The following UTRN variants were observed in gnomAD, a reference collection of about 807,000 sequenced individuals.
The protein encoded by UTRN is utrophin, also known as dystrophin-related protein 1.
Under a neutral mutation model 463.9 loss-of-function variants are expected in UTRN, and 283 were observed. That is an observed-to-expected ratio of 0.61 (90% CI 0.55 to 0.67). UTRN has a LOEUF of 0.67. Among genes scored for constraint, UTRN ranks in the 30% least tolerant of loss-of-function variants. UTRN has a pLI of 0.00. For missense variants in UTRN, 3,922 were observed against 4,084.3 expected (o/e 0.96, Z 1.08); for synonymous variants, 1,442 against 1,431.5 (o/e 1.01, Z -0.17).
intron 2 of UTRN, among the ~76,000 whole-genome samples, chr6:144,323,013 G>A (rs1775763959): frequency 6.6e-6 from 1 of 152,032 alleles, no homozygotes; most frequent in Admixed American, 6.6e-5. Flanking sequence ...TTGTACCTGG[G>A]GACTCCATCC....
intron 59 of UTRN, among the ~76,000 whole-genome samples, chr6:144,774,033 T>G (rs1170537286): frequency 6.6e-6 from 1 of 152,220 alleles, no homozygotes; most frequent in Non-Finnish European, 1.5e-5. Context: ...CAACCCACCA[T>G]GTTCTGAGCC....
In UTRN at chr6:144,793,747, A is replaced by G. The variant is rs1237811144; in HGVS notation, c.8921-87A>G. 2.5e-5 allele frequency: 38 copies of G among 1,494,282 alleles called. No individual in the cohort carries two copies. In the Admixed American group the frequency reaches 6.7e-4, roughly 26 times the overall value. 92.6% of individuals were successfully genotyped at this position (1,494,282 alleles called of 1,614,324 possible). ...TCCTTCTGAAATTTTTTTAATCTGCATGGTTCAGTCCACATTACCAAAGAT... is the reference window on the plus strand; with the variant it reads ...TCCTTCTGAAATTTTTTTAATCTGCGTGGTTCAGTCCACATTACCAAAGAT... On this transcript the variant is annotated intron_variant, in intron 62 of 74. Coordinates refer to ENST00000367545, the MANE Select transcript of UTRN (RefSeq NM_007124.3).
chr6:144,541,573 T>A (rs12195433), intron 45 of UTRN, among the ~76,000 whole-genome samples: 61,928 of 152,104 alleles, frequency 0.41, 13,015 homozygotes, highest in South Asian at 0.54. Context: ...CTAACATGGT[T>A]TATTTCATTC....
intron 2 of UTRN, among the ~76,000 whole-genome samples, chr6:144,322,835 C>T (rs951320047): frequency 1.3e-5 from 2 of 151,060 alleles, no homozygotes; most frequent in Admixed American, 1.3e-4. Context: ...CCCAGCTACT[C>T]GGGAGGCTGA....
rs200477118 is a variant in UTRN, at chr6:144,290,752, CTTTTTTTT to C, written c.-92-963_-92-956del. 4.5e-3 allele frequency among the ~76,000 whole-genome samples: 448 copies of C among 99,088 alleles called. 3 individuals carry two copies. The East Asian group carries it at 0.068, about 15-fold the overall frequency. 65.0% of individuals were successfully genotyped at this position (99,088 alleles called of 152,430 possible). A position where few individuals can be genotyped will look rare whatever the true frequency, so the allele number is the denominator to read the frequency against. ...TGGTCTACCTACAAGCCACAATCGT[CTTTTTTTT>C]TTTTTTTTTTTTTTTTTTTTTGAGA... On this transcript the variant is annotated intron_variant, in intron 1 of 74. Transcript: ENST00000367545.
chr6:144,396,467 T>C (rs1406737757), intron 2 of UTRN, among the ~76,000 whole-genome samples: 1 of 152,214 alleles, frequency 6.6e-6, no homozygotes, highest in African/African-American at 2.4e-5. Context: ...TGTATAACAC[T>C]GTAGGTGTAA....
chr6:144,369,428 C>A (rs967585875), intron 2 of UTRN, among the ~76,000 whole-genome samples: 2 of 152,186 alleles, frequency 1.3e-5, no homozygotes, highest in African/African-American at 4.8e-5. Context: ...ACCATCCTGG[C>A]CAACATGGTA....
intron 48 of UTRN, among the ~76,000 whole-genome samples, chr6:144,551,954 G>A (rs984614686): frequency 2.6e-5 from 4 of 152,022 alleles, no homozygotes; most frequent in African/African-American, 4.8e-5. Context: ...CTGGTCCCTG[G>A]TGAATGTTAA....
chr6:144,597,310 G>C (rs1211701656), intron 51 of UTRN, among the ~76,000 whole-genome samples: 1 of 150,886 alleles, frequency 6.6e-6, no homozygotes, highest in Non-Finnish European at 1.5e-5. Context: ...CATTCATTTA[G>C]CTCATTTACA....
chr6:144,529,366 A>G (rs887206510), intron 41 of UTRN, among the ~76,000 whole-genome samples: 1 of 152,112 alleles, frequency 6.6e-6, no homozygotes, highest in Non-Finnish European at 1.5e-5. Flanking sequence ...TTTTCCTGGT[A>G]TGTTCCTGCG....
chr6:144,345,853 A>G (rs1777519214), intron 2 of UTRN, among the ~76,000 whole-genome samples: 1 of 152,222 alleles, frequency 6.6e-6, no homozygotes, highest in African/African-American at 2.4e-5. Context: ...GAAGACAGCT[A>G]GAAGAAAAGT....
intron 2 of UTRN, among the ~76,000 whole-genome samples, chr6:144,296,761 G>C (rs1804749668): frequency 6.6e-6 from 1 of 152,210 alleles, no homozygotes; most frequent in Non-Finnish European, 1.5e-5. Flanking sequence ...TATTTATACA[G>C]CTCTTCTATC....
At chr6:144,413,887 T>A (rs1584683748) in intron 3 of UTRN, among the ~76,000 whole-genome samples, 1 of 152,284 alleles carries the variant, frequency 6.6e-6, no homozygotes, top group South Asian at 2.1e-4. Context: ...CACTGCAACC[T>A]CTACCTCCCC....
intron 71 of UTRN, 171 bp from the exon 72 acceptor site, chr6:144,839,002 G>T (rs572203599): frequency 3.8e-6 from 2 of 532,848 alleles, no homozygotes; most frequent in South Asian, 5.6e-5. Context: ...GGAAAGAGAA[G>T]GACCAAAGCC....
Position 144,771,921 on chromosome 6 carries a change from C to A in UTRN, c.8510C>A (p.Thr2837Asn). The stretch of plus-strand genomic sequence containing the variant: ...TTTTTTTCCAGCCATCAAACACAGA[C>A]CACCTGTTGGGACCATCCTAAAATG... ...VPYYINHQTQ[T>N]TCWDHPKMTE... Residue 2837 changes from threonine (T) to asparagine (N), a missense_variant, in exon 59 of 75, where the codon ACC (threonine) becomes AAC (asparagine). Physicochemically the swap from Thr to Asn is moderately conservative, Grantham distance 65. Around this residue, in one of 3 missense-constraint regions of UTRN, gnomAD observed 1,309 missense variants for 1,452.6 expected, o/e 0.90. Transcript: ENST00000367545. The A allele has an allele frequency of 6.3e-7, 1 of 1,590,696 alleles. No individual in the cohort carries two copies. The highest frequency in any genetic ancestry group is 8.5e-7 in the Non-Finnish European group (1 of 1,172,160).
intron 74 of UTRN, among the ~76,000 whole-genome samples, chr6:144,847,605 G>T (rs1782134912): frequency 2.0e-5 from 3 of 152,038 alleles, no homozygotes; most frequent in Admixed American, 2.0e-4. Flanking sequence ...TCTCAGGGTG[G>T]GAGGAGAGAT....
At chr6:144,564,409 A>G (rs191083257) in intron 50 of UTRN, among the ~76,000 whole-genome samples, 177 of 152,298 alleles carry the variant, frequency 1.2e-3, no homozygotes, top group Non-Finnish European at 1.9e-3. Context: ...AATATAATGA[A>G]TATGATGGTA....
intron 2 of UTRN, among the ~76,000 whole-genome samples, chr6:144,333,859 C>T (rs1776512143): frequency 6.6e-6 from 1 of 151,876 alleles, no homozygotes; most frequent in Non-Finnish European, 1.5e-5. Flanking sequence ...TTTTGTTTAC[C>T]TCTCATTTTA....
At chr6:144,846,869 A>G in intron 74 of UTRN, 42 bp downstream of exon 74, 1 of 1,612,266 alleles carries the variant, frequency 6.2e-7, no homozygotes, top group Non-Finnish European at 8.5e-7. Context: ...TACTGATCCC[A>G]ACCTAGAGTA....
Sources: allele counts gnomAD v4.1 joint callset (sites outside exome capture counted in the v4.1 genomes callset), GRCh38; gene constraint gnomAD v4.1.1; regional missense constraint gnomAD v4.1.1; transcripts MANE v1.5; gene names NCBI Gene and HGNC (gene_info 2026-07-23, HGNC 2026-07-21).